Variants in KHDRBS2 observed in about 807,000 individuals in gnomAD.
The protein encoded by KHDRBS2 is KH domain-containing, RNA-binding, signal transduction-associated protein 2.
Under a neutral mutation model 44.3 loss-of-function variants are expected in KHDRBS2, and 26 were observed. The ratio of observed to expected loss-of-function variants is 0.59; its 90% CI spans 0.43 to 0.81. The LOEUF is 0.81. Ranked by LOEUF, KHDRBS2 falls within the 40% of genes least tolerant of loss-of-function variation. The pLI, the probability that KHDRBS2 is intolerant of heterozygous loss-of-function variation, is 0.00. For synonymous variants in KHDRBS2, 194 were observed against 151.1 expected, an observed-to-expected ratio of 1.28 and a Z score of -2.08; for missense variants, 476 against 433.1, an observed-to-expected ratio of 1.10 and a Z score of -0.88.
chr6:62,132,011 GATGAACTAC>G (rs1810447000), intron 2 of KHDRBS2, among the ~76,000 whole-genome samples: 1 of 152,262 alleles, frequency 6.6e-6, no homozygotes, highest in South Asian at 2.1e-4. Flanking sequence ...AGTATATTTT[GATGAACTAC>G]ATCTCTATAA....
At chr6:61,870,426 G>A (rs1798496526) in intron 6 of KHDRBS2, among the ~76,000 whole-genome samples, 1 of 152,148 alleles carries the variant, frequency 6.6e-6, no homozygotes, top group Non-Finnish European at 1.5e-5. Flanking sequence ...CATCTGCCTG[G>A]GACAGAGCAC....
chr6:61,684,815 C>G (rs1275956185), intron 8 of KHDRBS2, among the ~76,000 whole-genome samples: 1 of 151,558 alleles, frequency 6.6e-6, no homozygotes, highest in Non-Finnish European at 1.5e-5. Flanking sequence ...ATATGAGAAA[C>G]AGAAGTTAAG....
chr6:61,592,254 C>T, the KHDRBS2 span, among the ~76,000 whole-genome samples: 5 of 149,794 alleles, frequency 3.3e-5, no homozygotes, highest in South Asian at 6.4e-4. Context: ...AAAGTGCACA[C>T]GTGTGCATGG....
At chr6:62,252,359 A>C (rs1836687733) in intron 1 of KHDRBS2, among the ~76,000 whole-genome samples, 1 of 151,950 alleles carries the variant, frequency 6.6e-6, no homozygotes. Flanking sequence ...TACCTATTTG[A>C]ATAACACCTT....
chr6:62,169,171 G>GTATATATACGTATACATATACGTA lies in KHDRBS2; in HGVS notation c.219+8013_219+8014insTACGTATATGTATACGTATATATA, dbSNP rs538963000. On this transcript the variant is annotated intron_variant, in intron 2 of 8. Transcript: ENST00000281156. ...TGTGTATATATACGTACACATATAT[G>GTATATATACGTATACATATACGTA]TATATATGTATATATACGTATACAT... is the stretch of plus-strand genomic sequence containing the variant. 4.2e-3 allele frequency among the ~76,000 whole-genome samples: 562 copies of GTATATATACGTATACATATACGTA among 134,472 alleles called. 26 individuals carry two copies. Among genetic ancestry groups the GTATATATACGTATACATATACGTA allele is most frequent in the East Asian group, 0.014 (63 of 4,558 alleles). 88.2% of individuals were successfully genotyped at this position (134,472 alleles called of 152,430 possible).
At position 61,736,710 on chromosome 6, in the gene KHDRBS2, T is replaced by C. The variant is rs149168017; in HGVS notation, c.811-3946A>G. Among the ~76,000 whole-genome samples, 197 of 152,054 alleles carry C rather than the reference T, an allele frequency of 1.3e-3. 1 individual carries two copies. The highest frequency in any genetic ancestry group is 4.6e-3 in the African/African-American group (191 of 41,502). On this transcript the variant is annotated intron_variant, in intron 6 of 8. Transcript: ENST00000281156. ...CTCCAGGGCTCCTGAAATCCCTATG[T>C]TTCCCCCATTTCCATCTGTTGAAAT...
rs556660315 is a variant in KHDRBS2 at position 61,921,899 on chromosome 6, A to G, written c.484-20528T>C. 3.1e-4 allele frequency among the ~76,000 whole-genome samples: 47 copies of G among 152,148 alleles called. No homozygotes were observed. In the South Asian group the frequency reaches 3.9e-3, roughly 13 times the overall value. ...TTTAATGCACATTGCCAGACTTTCC[A>G]TAATGATCATATTATACGACTATCA... On this transcript the variant is annotated intron_variant, in intron 4 of 8. Coordinates refer to ENST00000281156, the MANE Select transcript of KHDRBS2 (RefSeq NM_152688.4).
At chr6:61,834,773 G>A (rs567763981) in intron 6 of KHDRBS2, among the ~76,000 whole-genome samples, 22 of 152,028 alleles carry the variant, frequency 1.4e-4, no homozygotes, top group South Asian at 6.2e-4. Context: ...ATGCATAGGA[G>A]TCTTTTGTAA....
At chr6:61,893,161 T>C (rs920821505) in intron 6 of KHDRBS2, among the ~76,000 whole-genome samples, 20 of 152,278 alleles carry the variant, frequency 1.3e-4, no homozygotes, top group Admixed American at 5.2e-4. Flanking sequence ...CTCATCATCA[T>C]TGGCCATCAA....
intron 2 of KHDRBS2, among the ~76,000 whole-genome samples, chr6:62,055,014 G>C (rs1789945789): frequency 6.6e-6 from 1 of 152,086 alleles, no homozygotes; most frequent in South Asian, 2.1e-4. Flanking sequence ...ATGGTTTATA[G>C]ACTTAGATGT....
chr6:62,165,304 G>T (rs1251054134), intron 2 of KHDRBS2, among the ~76,000 whole-genome samples: 1 of 146,764 alleles, frequency 6.8e-6, no homozygotes, highest in Non-Finnish European at 1.5e-5. Flanking sequence ...ATTAGACACA[G>T]AATTTTTTTT....
the KHDRBS2 span, among the ~76,000 whole-genome samples, chr6:61,582,690 G>A: frequency 1.1e-5 from 1 of 92,584 alleles, no homozygotes; most frequent in Non-Finnish European, 2.6e-5. Context: ...TAGTTATTAT[G>A]TAACTTTTTT....
intron 2 of KHDRBS2, among the ~76,000 whole-genome samples, chr6:62,150,264 G>A (rs776322259): frequency 4.0e-5 from 6 of 151,282 alleles, no homozygotes; most frequent in South Asian, 2.1e-4. Context: ...CATGTGGCTG[G>A]TGACAGTTGA....
At chr6:62,053,679 A>T (rs1472711252) in intron 2 of KHDRBS2, among the ~76,000 whole-genome samples, 1 of 151,984 alleles carries the variant, frequency 6.6e-6, no homozygotes, top group African/African-American at 2.4e-5. Flanking sequence ...TTACTGATTT[A>T]AAAAATCTTA....
Position 62,248,178 on chromosome 6 carries a change from A to G in KHDRBS2, c.91+37680T>C, listed in dbSNP as rs561008174. On this transcript the variant is annotated intron_variant, in intron 1 of 8. Transcript: ENST00000281156. ...AAGGTTGTGAGTATTCTAGCTTTCA[A>G]TACCTCTATAATTCCAAAAATAAAA... 2.0e-4 allele frequency among the ~76,000 whole-genome samples: 31 copies of G among 152,018 alleles called. No homozygotes were observed. The South Asian group carries it at 2.5e-3, about 12-fold the overall frequency.
intron 1 of KHDRBS2, among the ~76,000 whole-genome samples, chr6:62,228,492 G>T (rs1166569612): frequency 6.6e-6 from 1 of 151,798 alleles, no homozygotes; most frequent in Admixed American, 6.6e-5. Flanking sequence ...TGGATTCATC[G>T]ATTTTTTGGA....
At chr6:61,932,761 C>G (rs1810318982) in intron 4 of KHDRBS2, among the ~76,000 whole-genome samples, 1 of 152,130 alleles carries the variant, frequency 6.6e-6, no homozygotes, top group Non-Finnish European at 1.5e-5. Context: ...CCACTGCACT[C>G]CAGCCTGGGC....
rs1221958848 is a variant in KHDRBS2 at position 62,028,353 on chromosome 6, C to A, written c.336+19525G>T. On this transcript the variant is annotated intron_variant, in intron 3 of 8. Coordinates refer to ENST00000281156, the MANE Select transcript of KHDRBS2 (RefSeq NM_152688.4). ...TAAAATCTGGATAAGACTTAAGATT[C>A]CTATTAATTCTTTTTGTTCAGTGTG... 2.0e-5 allele frequency among the ~76,000 whole-genome samples: 3 copies of A among 152,042 alleles called. No homozygotes were observed. In the East Asian group the frequency reaches 5.8e-4, roughly 29 times the overall value.
chr6:62,023,928 AT>A (rs1303855193), intron 3 of KHDRBS2, among the ~76,000 whole-genome samples: 63 of 151,258 alleles, frequency 4.2e-4, no homozygotes, highest in African/African-American at 1.3e-3. Flanking sequence ...AAACTATACC[AT>A]TTTTTAAACA....
Sources: allele counts gnomAD v4.1 joint callset (sites outside exome capture counted in the v4.1 genomes callset), GRCh38; gene constraint gnomAD v4.1.1; transcripts MANE v1.5; gene names NCBI Gene and HGNC (gene_info 2026-07-23, HGNC 2026-07-21).